NOS1: variants seen among roughly 807,000 people sequenced by gnomAD.
The protein encoded by NOS1 is nitric oxide synthase 1.
In NOS1, 51 loss-of-function variants were observed where a neutral mutation model predicts 164.5. The ratio of observed to expected loss-of-function variants is 0.31; its 90% CI spans 0.25 to 0.39. The LOEUF is 0.39. NOS1 is among the 10% of genes least tolerant of loss of function. The probability of loss-of-function intolerance (pLI) is 1.00; values close to 1 mark genes in which losing one functional copy is unlikely to be tolerated. For missense variants in NOS1, 1,362 were observed against 1,885.6 expected (o/e 0.72, Z 5.14); for synonymous variants, 719 against 745.8 (o/e 0.96, Z 0.59).
chr12:117,288,247 G>A lies in NOS1; in HGVS notation c.982-28C>T, dbSNP rs201871145. 9.1e-5 allele frequency: 145 copies of A among 1,599,578 alleles called. No individual in the cohort carries two copies. In the East Asian group the frequency reaches 2.8e-3, roughly 31 times the overall value. On this transcript the variant is annotated intron_variant, in intron 4 of 28. Transcript: ENST00000317775. ...GGAAGATCAAGAGATTTGGGGTATTGCTTGGTTTTACCCAAGAGTGGCAGG... is the reference window on the plus strand; with the variant it reads ...GGAAGATCAAGAGATTTGGGGTATTACTTGGTTTTACCCAAGAGTGGCAGG...
chr12:117,264,034 T>C (rs1872157518), intron 12 of NOS1, 60 bp from the exon 13 acceptor site: 3 of 1,386,396 alleles, frequency 2.2e-6, no homozygotes, highest in Non-Finnish European at 3.0e-6. Flanking sequence ...TGGTTCCTGT[T>C]GGGGATGCTC....
intron 25 of NOS1, 44 bp from the exon 26 acceptor site, chr12:117,222,907 G>A: frequency 6.3e-7 from 1 of 1,596,330 alleles, no homozygotes; most frequent in East Asian, 2.2e-5. Context: ...CTCTCTGCCT[G>A]ATGTGCAGGG....
intron 3 of NOS1, among the ~76,000 whole-genome samples, chr12:117,302,384 G>T (rs1009890052): frequency 3.3e-5 from 5 of 152,022 alleles, no homozygotes; most frequent in Admixed American, 6.6e-5. Flanking sequence ...CATGAGGTCA[G>T]GAGATCGAGA....
In NOS1 at chr12:117,277,193, C is replaced by T. The variant is rs9658375; in HGVS notation, c.1664+766G>A. Reference sequence around the variant, plus strand: ...AAGCCATTGTAACTGAGGTGAGATGCTATCTCATTGTGGTTTTGATTTGCA... The same window carrying T: ...AAGCCATTGTAACTGAGGTGAGATGTTATCTCATTGTGGTTTTGATTTGCA... On this transcript the variant is annotated intron_variant, in intron 9 of 28. Transcript: ENST00000317775. Among the ~76,000 whole-genome samples, 406 of 152,148 alleles carry T rather than the reference C, an allele frequency of 2.7e-3. 2 individuals carry two copies. The highest frequency in any genetic ancestry group is 9.4e-3 in the African/African-American group (390 of 41,528).
chr12:117,350,920 T>A (rs1566087386), intron 1 of NOS1, among the ~76,000 whole-genome samples: 1 of 152,142 alleles, frequency 6.6e-6, no homozygotes, highest in Non-Finnish European at 1.5e-5. Context: ...GGGACCATAC[T>A]GGCTAACACG....
chr12:117,298,923 T>C (rs1873606769), intron 3 of NOS1, among the ~76,000 whole-genome samples: 1 of 152,236 alleles, frequency 6.6e-6, no homozygotes, highest in South Asian at 2.1e-4. Context: ...AGTCGCTTCT[T>C]ATTCTTATGC....
intron 22 of NOS1, among the ~76,000 whole-genome samples, chr12:117,229,767 T>G (rs1869046652): frequency 6.6e-6 from 1 of 152,210 alleles, no homozygotes; most frequent in African/African-American, 2.4e-5. Context: ...TTTTGCATTT[T>G]TAGTAGAGAC....
rs1328979900 is a variant in NOS1 at position 117,330,645 on chromosome 12, C to T, written c.425G>A (p.Gly142Asp). 1.2e-6 allele frequency: 2 copies of T among 1,611,596 alleles called. No individual in the cohort carries two copies. Among genetic ancestry groups the T allele is most frequent in the African/African-American group, 1.3e-5 (1 of 75,020 alleles). Residue 142 changes from glycine (G) to aspartate (D), a missense_variant, in exon 2 of 29, where the codon GGC becomes GAC. Coordinates refer to ENST00000317775, the MANE Select transcript of NOS1 (RefSeq NM_000620.5). This position sits in a 1 kb window ranked among gnomAD's most constrained non-coding sequence, Gnocchi z 4.6. ...ATCCACTGCCAGGGGCTGTTCTTTGCCGGCCGGTGGCTGGTGGGACAGATC... is the reference window on the plus strand; with the variant it reads ...ATCCACTGCCAGGGGCTGTTCTTTGTCGGCCGGTGGCTGGTGGGACAGATC... ...AVDLSHQPPA[G>D]KEQPLAVDGA...
chr12:117,260,647 G>A, intron 13 of NOS1, 38 bp from the exon 14 acceptor site: 1 of 1,596,436 alleles, frequency 6.3e-7, no homozygotes, highest in Non-Finnish European at 8.6e-7. Context: ...ATGGGCAACA[G>A]AAAAGGGGAG....
intron 1 of NOS1, among the ~76,000 whole-genome samples, chr12:117,352,054 T>C (rs1015895869): frequency 6.6e-6 from 1 of 152,084 alleles, no homozygotes; most frequent in Non-Finnish European, 1.5e-5. Context: ...ACACCTGTAG[T>C]CCCAGCTACT....
At chr12:117,282,593 C>A (rs755062994) in intron 7 of NOS1, among the ~76,000 whole-genome samples, 12 of 152,144 alleles carry the variant, frequency 7.9e-5, no homozygotes, top group Non-Finnish European at 1.8e-4. Context: ...CACAAGACAA[C>A]GTAGCATGTA....
chr12:117,282,130 T>A (rs1016323490), intron 7 of NOS1, among the ~76,000 whole-genome samples: 8 of 152,100 alleles, frequency 5.3e-5, no homozygotes, highest in Admixed American at 2.6e-4. Context: ...GGTCTCTATG[T>A]TAAAAGGGAG....
chr12:117,273,962 A>T (rs1872976925), intron 9 of NOS1, among the ~76,000 whole-genome samples: 1 of 152,184 alleles, frequency 6.6e-6, no homozygotes, highest in African/African-American at 2.4e-5. Flanking sequence ...AAAAATAAAC[A>T]CACAGGATTA....
At chr12:117,313,098 C>T (rs1357678760) in intron 2 of NOS1, among the ~76,000 whole-genome samples, 1 of 152,200 alleles carries the variant, frequency 6.6e-6, no homozygotes, top group African/African-American at 2.4e-5. Context: ...AGTGCCATCA[C>T]CTTCATTAGC....
In NOS1 at chr12:117,359,876, T is replaced by TATA. The variant is rs1877038693; in HGVS notation, c.-421+1635_-421+1636insTAT. Among the ~76,000 whole-genome samples the TATA allele has an allele frequency of 8.3e-3, 308 of 36,958 alleles. 66 individuals are homozygous for TATA. Among genetic ancestry groups the TATA allele is most frequent in the Middle Eastern group, 0.019 (1 of 52 alleles). The allele number at this position is 36,958 out of a possible 152,430, so 24.2% of individuals were successfully genotyped here. On this transcript the variant is annotated intron_variant, in intron 1 of 28. Coordinates refer to ENST00000317775, the MANE Select transcript of NOS1 (RefSeq NM_000620.5). ...GTCCCAGAGCATTACAATAATGGTT[T>TATA]TATATATATATATATATATATATAT...
intron 3 of NOS1, among the ~76,000 whole-genome samples, chr12:117,303,445 C>CCTCA (rs749036120): frequency 6.6e-5 from 10 of 152,202 alleles, no homozygotes; most frequent in Middle Eastern, 3.4e-3. Context: ...ATGCCTTGAT[C>CCTCA]CTCAGGTGGC....
chr12:117,235,092 A>AT (rs1483652050), intron 20 of NOS1, among the ~76,000 whole-genome samples: 1 of 151,784 alleles, frequency 6.6e-6, no homozygotes, highest in Non-Finnish European at 1.5e-5. Context: ...TAATTTTGGA[A>AT]TTTTTTGTAC....
At chr12:117,216,644 A>G (rs748086974) in intron 28 of NOS1, among the ~76,000 whole-genome samples, 1 of 151,816 alleles carries the variant, frequency 6.6e-6, no homozygotes, top group Non-Finnish European at 1.5e-5. Flanking sequence ...ATGCCCTGCT[A>G]ATTTTTAAAT....
intron 8 of NOS1, among the ~76,000 whole-genome samples, chr12:117,279,856 C>A (rs369162731): frequency 6.6e-6 from 1 of 152,182 alleles, no homozygotes; most frequent in East Asian, 1.9e-4. Flanking sequence ...ATAACATTTT[C>A]ATAAGAAAAG....
Sources: allele counts gnomAD v4.1 joint callset (sites outside exome capture counted in the v4.1 genomes callset), GRCh38; gene constraint gnomAD v4.1.1; non-coding constraint Gnocchi (gnomAD v3.1); transcripts MANE v1.5; gene names NCBI Gene and HGNC (gene_info 2026-07-23, HGNC 2026-07-21).